Variants in EXOC4 observed in about 807,000 individuals in gnomAD.
EXOC4 encodes the protein SEC8-like 1.
Under a neutral mutation model 107.2 loss-of-function variants are expected in EXOC4, and 71 were observed. The observed-to-expected ratio is 0.66, with a 90% CI of 0.55 to 0.81. EXOC4 has a LOEUF of 0.81. EXOC4 is among the 30% of genes least tolerant of loss of function. The pLI is 0.00. For synonymous variants in EXOC4, 456 were observed against 441.2 expected (o/e 1.03, Z -0.42); for missense variants, 1,108 against 1,189.6 (o/e 0.93, Z 1.01).
At chr7:133,878,608 T>G (rs753664415) in intron 11 of EXOC4, among the ~76,000 whole-genome samples, 12 of 152,210 alleles carry the variant, frequency 7.9e-5, no homozygotes, top group Admixed American at 3.9e-4. Context: ...TTCTAATCCC[T>G]CCATTGTGTA....
At chr7:133,262,689 T>G (rs1364980287) in intron 1 of EXOC4, among the ~76,000 whole-genome samples, 1 of 152,230 alleles carries the variant, frequency 6.6e-6, no homozygotes, top group East Asian at 1.9e-4. Flanking sequence ...CTACCTGACC[T>G]ACCTGAGCTG....
At chr7:133,953,481 C>CA (rs11371516) in intron 14 of EXOC4, among the ~76,000 whole-genome samples, 4 of 150,980 alleles carry the variant, frequency 2.6e-5, no homozygotes, top group Non-Finnish European at 4.4e-5. Context: ...CCCATTTGTA[C>CA]AAAAAAAAAT....
chr7:133,428,485 G>C (rs189535238), intron 7 of EXOC4, among the ~76,000 whole-genome samples: 1 of 152,182 alleles, frequency 6.6e-6, no homozygotes, highest in African/African-American at 2.4e-5. Context: ...AGAACAAATG[G>C]TAATCACTCT....
At chr7:133,765,986 G>A (rs897906948) in intron 10 of EXOC4, among the ~76,000 whole-genome samples, 15 of 152,018 alleles carry the variant, frequency 9.9e-5, no homozygotes, top group Admixed American at 4.6e-4. Context: ...TCCATAAAAC[G>A]AAAGTGAGGA....
intron 10 of EXOC4, among the ~76,000 whole-genome samples, chr7:133,635,718 A>G (rs1398784074): frequency 1.3e-5 from 2 of 152,202 alleles, no homozygotes; most frequent in South Asian, 2.1e-4. Flanking sequence ...TCACTGCTTT[A>G]GAAACAGGGT....
chr7:133,543,704 C>T (rs945638814), intron 9 of EXOC4, among the ~76,000 whole-genome samples: 1 of 132,806 alleles, frequency 7.5e-6, no homozygotes, highest in Admixed American at 8.3e-5. Flanking sequence ...TAAAACGAAC[C>T]TGCTGCTAGA....
At chr7:133,439,366 G>C (rs538288841) in intron 7 of EXOC4, among the ~76,000 whole-genome samples, 2 of 151,718 alleles carry the variant, frequency 1.3e-5, no homozygotes, top group Admixed American at 6.6e-5. Flanking sequence ...TGTATTTTTA[G>C]TAGAGACGGG....
In EXOC4 at chr7:133,255,191, T is replaced by TTTTCTTTTC. The variant is rs1554425301; in HGVS notation, c.86+2007_86+2008insCTTTTCTTT. 3.6e-3 allele frequency among the ~76,000 whole-genome samples: 552 copies of TTTTCTTTTC among 151,644 alleles called. 4 individuals are homozygous for TTTTCTTTTC. The highest frequency in any genetic ancestry group is 0.011 in the African/African-American group (448 of 41,092). On this transcript the variant is annotated intron_variant, in intron 1 of 17. Coordinates refer to ENST00000253861, the MANE Select transcript of EXOC4 (RefSeq NM_021807.4). ...CTTTTCTTTTCTTTTCTTTTCTTTTTTTTTGAGACAGAGTCTTGCTCTGTC... is the reference window on the plus strand; with the variant it reads ...CTTTTCTTTTCTTTTCTTTTCTTTTTTTTCTTTTCTTTTGAGACAGAGTCTTGCTCTGTC...
In EXOC4 at chr7:133,676,905, A is replaced by G. The variant is rs143767509; in HGVS notation, c.1514+46764A>G. ...TATTCATTTAATCAAAAAATAAATTATTGGGGGGTATGTAGTAAACTCTGT... is the reference window on the plus strand; with the variant it reads ...TATTCATTTAATCAAAAAATAAATTGTTGGGGGGTATGTAGTAAACTCTGT... On this transcript the variant is annotated intron_variant, in intron 10 of 17. Coordinates refer to ENST00000253861, the MANE Select transcript of EXOC4 (RefSeq NM_021807.4). 2.4e-3 allele frequency among the ~76,000 whole-genome samples: 358 copies of G among 148,008 alleles called. 5 individuals are homozygous for G. The highest frequency in any genetic ancestry group is 8.3e-3 in the African/African-American group (334 of 40,028).
At chr7:133,466,552 T>C (rs559663074) in intron 7 of EXOC4, among the ~76,000 whole-genome samples, 1 of 152,290 alleles carries the variant, frequency 6.6e-6, no homozygotes, top group East Asian at 1.9e-4. Context: ...AATAAATTAG[T>C]AATTAAAAAT....
intron 5 of EXOC4, among the ~76,000 whole-genome samples, chr7:133,352,563 T>C (rs2150649546): frequency 6.6e-6 from 1 of 152,170 alleles, no homozygotes; most frequent in South Asian, 2.1e-4. Flanking sequence ...GTAGACAGCA[T>C]ATAATTGGAT....
intron 9 of EXOC4, among the ~76,000 whole-genome samples, chr7:133,609,448 A>G (rs775276207): frequency 5.9e-5 from 9 of 152,222 alleles, no homozygotes; most frequent in Non-Finnish European, 1.0e-4. Flanking sequence ...TTACTAATTC[A>G]TAATAGCTAT....
At chr7:134,040,596 C>T (rs1170508682) in intron 17 of EXOC4, among the ~76,000 whole-genome samples, 2 of 152,112 alleles carry the variant, frequency 1.3e-5, no homozygotes, top group Non-Finnish European at 2.9e-5. Context: ...AATATTTGAT[C>T]ATTTCAAAGA....
chr7:133,386,565 A>T (rs770219261), intron 7 of EXOC4, among the ~76,000 whole-genome samples: 17 of 152,168 alleles, frequency 1.1e-4, no homozygotes, highest in Non-Finnish European at 1.9e-4. Context: ...TGTGCTGCTT[A>T]TACTCTTGTT....
At chr7:133,441,999 G>A (rs150778935) in intron 7 of EXOC4, among the ~76,000 whole-genome samples, 75 of 152,328 alleles carry the variant, frequency 4.9e-4, no homozygotes, top group African/African-American at 1.8e-3. Context: ...GGAAGACTGT[G>A]AAATGAAATT....
chr7:134,005,548 A>T (rs768267830), intron 16 of EXOC4, among the ~76,000 whole-genome samples: 2 of 152,236 alleles, frequency 1.3e-5, no homozygotes, highest in Non-Finnish European at 2.9e-5. Context: ...GGCAATTTTT[A>T]GGAAGGACGT....
At chr7:133,513,299 G>A (rs1799810090) in intron 9 of EXOC4, among the ~76,000 whole-genome samples, 1 of 152,068 alleles carries the variant, frequency 6.6e-6, no homozygotes, top group Non-Finnish European at 1.5e-5. Flanking sequence ...AAACTCCTGA[G>A]CTCAAGCGAT....
intron 6 of EXOC4, among the ~76,000 whole-genome samples, chr7:133,361,196 C>G (rs1316288447): frequency 6.6e-6 from 1 of 152,212 alleles, no homozygotes; most frequent in Non-Finnish European, 1.5e-5. Context: ...AGGCGTTACT[C>G]AAAGAACGCT....
intron 5 of EXOC4, among the ~76,000 whole-genome samples, chr7:133,321,413 C>A (rs1795108895): frequency 6.6e-6 from 1 of 152,100 alleles, no homozygotes; most frequent in Non-Finnish European, 1.5e-5. Context: ...AATGCTATCC[C>A]TCCCCTAGCC....
Sources: allele counts gnomAD v4.1 joint callset (sites outside exome capture counted in the v4.1 genomes callset), GRCh38; gene constraint gnomAD v4.1.1; transcripts MANE v1.5; gene names NCBI Gene and HGNC (gene_info 2026-07-23, HGNC 2026-07-21).